RYR3: variants seen among roughly 807,000 people sequenced by gnomAD.
The protein encoded by RYR3 is brain ryanodine receptor-calcium release channel.
RYR3 carries 207 observed loss-of-function variants against 584.3 expected under a neutral mutation model. The observed-to-expected ratio is 0.35, with a 90% CI of 0.32 to 0.40. The LOEUF is 0.40. RYR3 is among the 10% of genes least tolerant of loss of function. The pLI, the probability that RYR3 is intolerant of heterozygous loss-of-function variation, is 1.00. For synonymous variants in RYR3, 2,416 were observed against 2,248.5 expected (o/e 1.07, Z -2.11); for missense variants, 5,616 against 6,089.2 (o/e 0.92, Z 2.59).
intron 96 of RYR3, 67 bp downstream of exon 96, chr15:33,853,749 A>G: frequency 6.4e-7 from 1 of 1,554,470 alleles, no homozygotes; most frequent in Non-Finnish European, 8.7e-7. Context: ...TTTCCATAGG[A>G]AAAAATCACA....
chr15:33,373,277 C>G (rs2040478988), intron 1 of RYR3, among the ~76,000 whole-genome samples: 1 of 152,156 alleles, frequency 6.6e-6, no homozygotes, highest in South Asian at 2.1e-4. Flanking sequence ...TTCCTCTTCC[C>G]TTTTCTACCA....
At chr15:33,324,425 A>C (rs1025395379) in intron 1 of RYR3, among the ~76,000 whole-genome samples, 2 of 152,206 alleles carry the variant, frequency 1.3e-5, no homozygotes, top group Admixed American at 6.5e-5. Context: ...TTTTTATCCC[A>C]ATCTTATTTT....
rs1024822835 is a variant in RYR3 at position 33,644,390 on chromosome 15, T to C, written c.3636T>C (p.Phe1212=). The C allele has an allele frequency of 3.1e-6, 5 of 1,613,530 alleles. No homozygotes were observed. The Admixed American group carries it at 5.0e-5, about 16-fold the overall frequency. ...GGACAGATGCCAGTACCTTCAAGTT[T>C]TATACCATGTGCGGTCTCCAAGAGG... ...NLGTDASTFK[F]YTMCGLQEGF... The change falls in exon 28 of 104, where the codon TTT becomes TTC. Residue 1212 remains phenylalanine, a synonymous_variant. Coordinates refer to ENST00000634891, the MANE Select transcript of RYR3 (RefSeq NM_001036.6).
intron 1 of RYR3, among the ~76,000 whole-genome samples, chr15:33,461,953 A>G (rs906027607): frequency 2.6e-5 from 4 of 152,088 alleles, no homozygotes; most frequent in African/African-American, 7.2e-5. Flanking sequence ...TAAAACAAAT[A>G]TTTCCTGAAT....
chr15:33,319,563 A>C (rs1968668543), intron 1 of RYR3, among the ~76,000 whole-genome samples: 1 of 152,230 alleles, frequency 6.6e-6, no homozygotes, highest in Non-Finnish European at 1.5e-5. Context: ...TAGGAGAAAA[A>C]TATAGCAAAG....
At chr15:33,701,650 AG>A (rs547585717) in intron 42 of RYR3, among the ~76,000 whole-genome samples, 142 of 150,908 alleles carry the variant, frequency 9.4e-4, no homozygotes, top group Middle Eastern at 3.4e-3. Flanking sequence ...CTGGAGGGGG[AG>A]GGGGGTGGAG....
chr15:33,789,906 G>A (rs1231460861), intron 67 of RYR3, among the ~76,000 whole-genome samples: 1 of 146,068 alleles, frequency 6.8e-6, no homozygotes, highest in Non-Finnish European at 1.5e-5. Context: ...AAAGTCCTGA[G>A]CTCAAGCAAT....
At chr15:33,339,555 C>A (rs1971549112) in intron 1 of RYR3, among the ~76,000 whole-genome samples, 1 of 152,122 alleles carries the variant, frequency 6.6e-6, no homozygotes, top group Non-Finnish European at 1.5e-5. Flanking sequence ...AAGATAGCCT[C>A]AGAAGGCAAG....
At chr15:33,810,894 C>T (rs1223512377) in intron 71 of RYR3, 84 bp from the exon 72 acceptor site, 14 of 1,212,898 alleles carry the variant, frequency 1.2e-5, no homozygotes, top group African/African-American at 6.0e-5. Context: ...TGAAACTGTG[C>T]GTTGACTCTC....
At chr15:33,454,196 G>T (rs1338227141) in intron 1 of RYR3, among the ~76,000 whole-genome samples, 1 of 152,228 alleles carries the variant, frequency 6.6e-6, no homozygotes, top group East Asian at 1.9e-4. Flanking sequence ...AGTAAAGAGA[G>T]AAATTGAAGA....
chr15:33,330,342 T>G (rs1032793208), intron 1 of RYR3, among the ~76,000 whole-genome samples: 1 of 152,224 alleles, frequency 6.6e-6, no homozygotes, highest in Admixed American at 6.5e-5. Flanking sequence ...TTGTTTTCTC[T>G]GTCTTTGCAT....
At chr15:33,632,896 T>G in intron 23 of RYR3, 53 bp from the exon 24 acceptor site, 3 of 1,518,738 alleles carry the variant, frequency 2.0e-6, no homozygotes, top group Non-Finnish European at 2.7e-6. Flanking sequence ...AAATCCGGAA[T>G]GAGAAACTCA....
chr15:33,530,971 T>C (rs2054817002), intron 4 of RYR3, among the ~76,000 whole-genome samples: 1 of 151,988 alleles, frequency 6.6e-6, no homozygotes, highest in Non-Finnish European at 1.5e-5. Flanking sequence ...ATATACTAGA[T>C]GCTCAATAAA....
At chr15:33,518,115 CAGTT>C (rs1340816420) in intron 3 of RYR3, among the ~76,000 whole-genome samples, 2 of 152,190 alleles carry the variant, frequency 1.3e-5, no homozygotes, top group Admixed American at 6.5e-5. Flanking sequence ...TCAAGTCAGT[CAGTT>C]AATCTGTCTG....
At chr15:33,581,403 G>A in intron 13 of RYR3, 105 bp from the exon 14 acceptor site, 2 of 1,166,760 alleles carry the variant, frequency 1.7e-6, no homozygotes, top group Non-Finnish European at 2.4e-6. Context: ...TTGCATATTG[G>A]CATTTTCAGC....
chr15:33,737,845 C>T (rs1218327237), intron 49 of RYR3, among the ~76,000 whole-genome samples: 1 of 152,124 alleles, frequency 6.6e-6, no homozygotes, highest in East Asian at 1.9e-4. Flanking sequence ...GGACATGGAT[C>T]ACACCTGCTG....
intron 1 of RYR3, among the ~76,000 whole-genome samples, chr15:33,378,744 G>C (rs1375470055): frequency 1.3e-5 from 2 of 152,200 alleles, no homozygotes; most frequent in Non-Finnish European, 2.9e-5. Flanking sequence ...CAGGAGGCCT[G>C]CTTGAGGCCA....
At chr15:33,336,742 G>A (rs1971140800) in intron 1 of RYR3, among the ~76,000 whole-genome samples, 1 of 151,670 alleles carries the variant, frequency 6.6e-6, no homozygotes, top group Admixed American at 6.6e-5. Flanking sequence ...CGTTTGTATT[G>A]CAATACAAGG....
In RYR3 at chr15:33,580,235, A is replaced by G. The variant is rs970900399; in HGVS notation, c.1437+91A>G. 3.7e-6 allele frequency: 4 copies of G among 1,089,108 alleles called. No homozygotes were observed. The Admixed American group carries it at 9.7e-5, about 26-fold the overall frequency. The allele number at this position is 1,089,108 out of a possible 1,614,324, so 67.5% of individuals were successfully genotyped here. On this transcript the variant is annotated intron_variant, in intron 13 of 103. Coordinates refer to ENST00000634891, the MANE Select transcript of RYR3 (RefSeq NM_001036.6). ...AACTTAGCTTTGTCTTTCTGCATGC[A>G]CGTGTTTATGAGAGAGCCAGAGGAC...
Sources: gnomAD v4.1 joint callset for allele counts (sites outside exome capture counted in the v4.1 genomes callset) on GRCh38, gnomAD v4.1.1 for gene constraint, MANE v1.5 for transcripts, NCBI Gene and HGNC (gene_info 2026-07-23, HGNC 2026-07-21) for gene names.